Variants in COL16A1 observed in about 807,000 individuals in gnomAD.
The protein encoded by COL16A1 is collagen type XVI alpha 1 chain.
Under a neutral mutation model 266.3 loss-of-function variants are expected in COL16A1, and 189 were observed. That is an observed-to-expected ratio of 0.71 (90% CI 0.63 to 0.80). COL16A1 has a LOEUF of 0.80. Ranked by LOEUF, COL16A1 falls within the 30% of genes least tolerant of loss-of-function variation. The pLI is 0.00. For missense variants in COL16A1, 1,928 were observed against 2,122.4 expected (o/e 0.91, Z 1.80); for synonymous variants, 740 against 782.3 (o/e 0.95, Z 0.90).
At chr1:31,695,970 C>A in intron 9 of COL16A1, 118 bp downstream of exon 9, 1 of 1,070,784 alleles carries the variant, frequency 9.3e-7, no homozygotes. Flanking sequence ...TAAGCTCTGT[C>A]CAGGAGGTGG....
rs1283247563 is a variant in COL16A1 at position 31,668,018 on chromosome 1, G to C, written c.3303+147C>G. The C allele has an allele frequency of 7.5e-6, 5 of 663,832 alleles. No individual in the cohort carries two copies. The African/African-American group carries it at 9.1e-5, about 12-fold the overall frequency. 41.1% of individuals were successfully genotyped at this position (663,832 alleles called of 1,614,324 possible). A position where few individuals can be genotyped will look rare whatever the true frequency, so the allele number is the denominator to read the frequency against. ...AGGGGGCCTACAGTGGGGAGAGGGGGCTGCATGGACTTTAGGCAAAGGAGG... is the reference window on the plus strand; with the variant it reads ...AGGGGGCCTACAGTGGGGAGAGGGGCCTGCATGGACTTTAGGCAAAGGAGG... On this transcript the variant is annotated intron_variant, in intron 51 of 70. Transcript: ENST00000373672. This position sits in a 1 kb window ranked among gnomAD's most constrained non-coding sequence, Gnocchi z 5.8.
chr1:31,693,372 C>T (rs372693990), intron 12 of COL16A1: 51 of 584,024 alleles, frequency 8.7e-5, no homozygotes, highest in Middle Eastern at 8.7e-4. Context: ...CCCCAAGATG[C>T]TATATTTGGC....
rs370555523 is a variant in COL16A1, at chr1:31,675,380, C to G, written c.2773-69G>C. 9 of 1,573,458 alleles carry G rather than the reference C, an allele frequency of 5.7e-6. No homozygotes were observed. The African/African-American group carries it at 1.1e-4, about 19-fold the overall frequency. ...AGCCTGCTGGTCAGCCTGTTTCCTT[C>G]TCATCATCCCCGCCTCCTCTTCCCC... On this transcript the variant is annotated intron_variant, in intron 42 of 70. Transcript: ENST00000373672.
intron 34 of COL16A1, 64 bp from the exon 35 acceptor site, chr1:31,683,433 C>A: frequency 6.2e-7 from 1 of 1,611,750 alleles, no homozygotes. Context: ...ACTGGCCCTG[C>A]CGCACCGGCA....
chr1:31,672,279 G>A, intron 47 of COL16A1, 137 bp downstream of exon 47: 1 of 923,154 alleles, frequency 1.1e-6, no homozygotes, highest in South Asian at 1.6e-5. Context: ...TCCCAGAGAA[G>A]CCACGTGCCA....
Position 31,697,324 on chromosome 1 carries a change from T to G in COL16A1, c.658-24A>C. The G allele has an allele frequency of 1.9e-6, 3 of 1,582,630 alleles. No individual in the cohort carries two copies. The South Asian group carries it at 3.4e-5, about 18-fold the overall frequency. ...AACTGCAGGAGACACACACATCAAT[T>G]TCACTTCATTTTATCAAATAGCTCT... On this transcript the variant is annotated intron_variant, in intron 6 of 70. Transcript: ENST00000373672. This position sits in a 1 kb window ranked among gnomAD's most constrained non-coding sequence, Gnocchi z 4.2.
intron 16 of COL16A1, 139 bp from the exon 17 acceptor site, chr1:31,692,206 G>T: frequency 7.4e-7 from 1 of 1,350,360 alleles, no homozygotes; most frequent in Non-Finnish European, 1.0e-6. Context: ...CAATCACCAC[G>T]GGAGGGTAGA....
At chr1:31,661,804 C>G in intron 58 of COL16A1, 100 bp from the exon 59 acceptor site, 2 of 1,305,830 alleles carry the variant, frequency 1.5e-6, no homozygotes, top group Non-Finnish European at 2.1e-6. Flanking sequence ...CCCAGCTATC[C>G]TAAGATGGAG....
chr1:31,672,557 C>T (rs769920140), intron 46 of COL16A1, 39 bp downstream of exon 46: 4 of 1,612,518 alleles, frequency 2.5e-6, no homozygotes, highest in Non-Finnish European at 2.5e-6. Context: ...CCCTGTGGGG[C>T]ATGGGGCATG....
chr1:31,652,960 AG>A lies in COL16A1; in HGVS notation c.4613-108del. 1 of 1,150,994 alleles carries A rather than the reference AG, an allele frequency of 8.7e-7. No individual in the cohort carries two copies. The highest frequency in any genetic ancestry group is 1.2e-6 in the Non-Finnish European group (1 of 868,814). 71.3% of individuals were successfully genotyped at this position (1,150,994 alleles called of 1,614,324 possible). A position where few individuals can be genotyped will look rare whatever the true frequency, so the allele number is the denominator to read the frequency against. ...CCTTACATTTGATGACTGTTTCTCA[AG>A]TTACCACATGTTTTCATGAAGACCT... On this transcript the variant is annotated intron_variant, in intron 70 of 70. Transcript: ENST00000373672. This position sits in a 1 kb window ranked among gnomAD's most constrained non-coding sequence, Gnocchi z 4.8.
intron 52 of COL16A1, chr1:31,666,518 C>G (rs1254031785): frequency 1.3e-5 from 3 of 229,704 alleles, no homozygotes; most frequent in African/African-American, 2.4e-5. Context: ...AGTCAGACTG[C>G]TGTTCTCTGA....
intron 54 of COL16A1, 35 bp downstream of exon 54, chr1:31,665,847 T>G (rs769024885): frequency 3.5e-5 from 57 of 1,613,958 alleles, no homozygotes; most frequent in South Asian, 3.3e-5. Context: ...GCTCCTTCCC[T>G]GCCTCCCTGC....
intron 1 of COL16A1, among the ~76,000 whole-genome samples, chr1:31,702,979 G>A (rs1644774288): frequency 2.0e-5 from 3 of 152,200 alleles, no homozygotes; most frequent in Middle Eastern, 3.4e-3. Flanking sequence ...GCCATACATC[G>A]TCTGGCCTCC....
At chr1:31,693,787 C>T (rs1324262411) in intron 12 of COL16A1, among the ~76,000 whole-genome samples, 3 of 152,200 alleles carry the variant, frequency 2.0e-5, no homozygotes, top group Non-Finnish European at 2.9e-5. Flanking sequence ...CACACATAAT[C>T]ATTCTAACAC....
Position 31,670,384 on chromosome 1 carries a change from G to T in COL16A1, c.3195+218C>A. On this transcript the variant is annotated intron_variant, in intron 49 of 70. Coordinates refer to ENST00000373672, the MANE Select transcript of COL16A1 (RefSeq NM_001856.4). This position sits in a 1 kb window ranked among gnomAD's most constrained non-coding sequence, Gnocchi z 4.5. ...GAGAGAAGAGGAGAGAAAGAACGCA[G>T]GAGAGGAGGGAGAGGAGAAAACGGA... 2.1e-6 allele frequency: 1 copy of T among 472,446 alleles called. No individual in the cohort carries two copies. Among genetic ancestry groups the T allele is most frequent in the Non-Finnish European group, 3.7e-6 (1 of 271,906 alleles). 29.3% of individuals were successfully genotyped at this position (472,446 alleles called of 1,614,324 possible).
At chr1:31,665,859 G>A in intron 54 of COL16A1, 23 bp downstream of exon 54, 1 of 1,614,122 alleles carries the variant, frequency 6.2e-7, no homozygotes, top group Non-Finnish European at 8.5e-7. Context: ...CCTCCCTGCA[G>A]CCAGGTCCCA....
At chr1:31,695,705 G>A in intron 10 of COL16A1, 56 bp downstream of exon 10, 1 of 1,574,850 alleles carries the variant, frequency 6.3e-7, no homozygotes, top group Non-Finnish European at 8.7e-7. Context: ...CCCAAAGCCT[G>A]GTGCAAAGGG....
intron 44 of COL16A1, 58 bp from the exon 45 acceptor site, chr1:31,672,898 A>G: frequency 4.6e-6 from 7 of 1,534,778 alleles, no homozygotes; most frequent in East Asian, 2.3e-5. Context: ...AGGATGGGCC[A>G]ACTGGGGAGC....
Position 31,654,031 on chromosome 1 carries a change from T to G in COL16A1, c.4370A>C (p.Tyr1457Ser), listed in dbSNP as rs201424782. The change falls in exon 69 of 71, where the codon TAC (tyrosine) becomes TCC (serine). Residue 1457 changes from tyrosine (Y) to serine (S), a missense_variant. This residue lies in a region of COL16A1 where 376 missense variants were observed against 485.2 expected (regional missense o/e 0.77). Coordinates refer to ENST00000373672, the MANE Select transcript of COL16A1 (RefSeq NM_001856.4). ...GGGGAACTGCATCCTGGAGGTGTAG[T>G]AAGCCATTCTCTCTGTAAAAAAAGG... ...IIKMFDERMA[Y>S]YTSRMQFPME... The G allele has an allele frequency of 6.2e-7, 1 of 1,613,656 alleles. No homozygotes were observed. The highest frequency in any genetic ancestry group is 8.5e-7 in the Non-Finnish European group (1 of 1,179,726).
Sources: allele counts gnomAD v4.1 joint callset (sites outside exome capture counted in the v4.1 genomes callset), GRCh38; gene constraint gnomAD v4.1.1; regional missense constraint gnomAD v4.1.1; non-coding constraint Gnocchi (gnomAD v3.1); transcripts MANE v1.5; gene names NCBI Gene and HGNC (gene_info 2026-07-23, HGNC 2026-07-21).